DPYSL4: variants seen among roughly 807,000 people sequenced by gnomAD.
DPYSL4 encodes dihydropyrimidinase like 4.
Under a neutral mutation model 63.4 loss-of-function variants are expected in DPYSL4, and 43 were observed. The observed-to-expected ratio is 0.68, with a 90% CI of 0.53 to 0.88. The LOEUF is 0.88. DPYSL4 is among the 40% of genes least tolerant of loss of function. The probability of loss-of-function intolerance (pLI) is 0.00; values close to 1 mark genes in which losing one functional copy is unlikely to be tolerated. For missense variants in DPYSL4, 733 were observed against 819.5 expected, an observed-to-expected ratio of 0.89 and a Z score of 1.29; for synonymous variants, 353 against 331.7, an observed-to-expected ratio of 1.06 and a Z score of -0.70.
At chr10:132,204,057 G>A (rs2062060608) in intron 13 of DPYSL4, 130 bp downstream of exon 13, 1 of 1,236,090 alleles carries the variant, frequency 8.1e-7, no homozygotes, top group Non-Finnish European at 1.1e-6. Context: ...ACTGGGGCAG[G>A]AGATGCTGCT....
At chr10:132,200,332 C>A in intron 8 of DPYSL4, 24 bp from the exon 9 acceptor site, 1 of 1,611,940 alleles carries the variant, frequency 6.2e-7, no homozygotes, top group Non-Finnish European at 8.5e-7. Flanking sequence ...CGGTGGGGCA[C>A]CTCTCATGGG....
chr10:132,194,013 C>T (rs1287023692), intron 3 of DPYSL4, among the ~76,000 whole-genome samples: 1 of 152,276 alleles, frequency 6.6e-6, no homozygotes, highest in Admixed American at 6.5e-5. Flanking sequence ...GACCACCTGC[C>T]TCGTGCCAGT....
intron 1 of DPYSL4, among the ~76,000 whole-genome samples, chr10:132,187,369 G>C (rs192434361): frequency 0.013 from 121 of 9,652 alleles, 2 homozygotes; most frequent in East Asian, 0.073. Flanking sequence ...GGGCCCTGCC[G>C]GGCCCTGCCC....
chr10:132,193,610 G>A (rs2818421), intron 3 of DPYSL4, among the ~76,000 whole-genome samples: 125,072 of 152,286 alleles, frequency 0.82, 51,524 homozygotes, highest in East Asian at 0.96. Context: ...CACAGACATC[G>A]CTGCTGTGGT....
chr10:132,198,267 T>C (rs2061970061), intron 6 of DPYSL4, 148 bp from the exon 7 acceptor site: 1 of 690,906 alleles, frequency 1.4e-6, no homozygotes, highest in African/African-American at 1.8e-5. Flanking sequence ...CTCTGCCCTC[T>C]ATTCTGAGTG....
At chr10:132,200,277 G>A (rs1055733465) in intron 8 of DPYSL4, 79 bp from the exon 9 acceptor site, 1 of 1,548,500 alleles carries the variant, frequency 6.5e-7, no homozygotes, top group Non-Finnish European at 8.8e-7. Flanking sequence ...GCAGTCGTGG[G>A]TGTCAGCAGC....
chr10:132,204,517 G>A (rs2062067861), intron 13 of DPYSL4, among the ~76,000 whole-genome samples: 1 of 152,176 alleles, frequency 6.6e-6, no homozygotes, highest in Non-Finnish European at 1.5e-5. Context: ...GGGAGGCCAG[G>A]GGCAGCCTTT....
At chr10:132,204,588 G>A (rs573934837) in intron 13 of DPYSL4, among the ~76,000 whole-genome samples, 295 of 152,244 alleles carry the variant, frequency 1.9e-3, no homozygotes, top group Non-Finnish European at 3.3e-3. Flanking sequence ...CTCGGGACAG[G>A]AAGGGCTTCC....
chr10:132,200,559 C>A (rs1291562690), intron 9 of DPYSL4, 47 bp downstream of exon 9: 18 of 1,603,088 alleles, frequency 1.1e-5, no homozygotes, highest in Non-Finnish European at 1.5e-5. Flanking sequence ...CCGCTGCACA[C>A]CCTGCCAAGG....
chr10:132,187,847 C>T (rs2061825720), intron 1 of DPYSL4, among the ~76,000 whole-genome samples: 1 of 152,222 alleles, frequency 6.6e-6, no homozygotes. Flanking sequence ...AGCCTCCCCG[C>T]TCGGGCGGGG....
At chr10:132,188,980 C>CTAAAAT (rs1205239849) in intron 1 of DPYSL4, among the ~76,000 whole-genome samples, 1 of 152,236 alleles carries the variant, frequency 6.6e-6, no homozygotes, top group Non-Finnish European at 1.5e-5. Flanking sequence ...AATACAGCCC[C>CTAAAAT]ACAGTTAGAT....
intron 4 of DPYSL4, 39 bp downstream of exon 4, chr10:132,195,048 C>G (rs748840762): frequency 8.9e-6 from 14 of 1,580,770 alleles, no homozygotes; most frequent in Non-Finnish European, 1.2e-5. Flanking sequence ...GGGCATGGAG[C>G]CTGGTGGAGG....
chr10:132,198,226 CAG>C (rs1250299958), intron 6 of DPYSL4, among the ~76,000 whole-genome samples, 187 bp from the exon 7 acceptor site: 5 of 152,126 alleles, frequency 3.3e-5, no homozygotes, highest in African/African-American at 1.2e-4. Context: ...CTTGGTAACT[CAG>C]GGAGCAGGAA....
At chr10:132,204,283 C>T (rs11146248) in intron 13 of DPYSL4, among the ~76,000 whole-genome samples, 4,335 of 152,266 alleles carry the variant, frequency 0.028, 181 homozygotes, top group East Asian at 0.22. Flanking sequence ...GGTCCCCACC[C>T]AGCAGGCCCC....
In DPYSL4 at chr10:132,203,974, G is replaced by A. The variant is rs144636646; in HGVS notation, c.1627+47G>A. 9.9e-5 allele frequency: 154 copies of A among 1,557,838 alleles called. No homozygotes were observed. The African/African-American group carries it at 1.8e-3, about 18-fold the overall frequency. Reference sequence around the variant, plus strand: ...AGTGGGGGTGAGGGGCTCTGCCGGAGCATCCAGGGCCTCAGGTACCAGGGC... The same window carrying A: ...AGTGGGGGTGAGGGGCTCTGCCGGAACATCCAGGGCCTCAGGTACCAGGGC... On this transcript the variant is annotated intron_variant, in intron 13 of 13. Coordinates refer to ENST00000338492, the MANE Select transcript of DPYSL4 (RefSeq NM_006426.3).
In DPYSL4 at chr10:132,202,788, C is replaced by T. The variant is rs1482880561; in HGVS notation, c.1424C>T (p.Pro475Leu). ...CGCTTCGTCCCTCGGAAAACATTCCCGGACTTTGTCTACAAGAGGATCAAA... is the reference window on the plus strand; with the variant it reads ...CGCTTCGTCCCTCGGAAAACATTCCTGGACTTTGTCTACAAGAGGATCAAA... ...AGRFVPRKTF[P>L]DFVYKRIKAR... The change falls in exon 12 of 14, where the codon CCG becomes CTG. Residue 475 changes from proline to leucine, a missense_variant. Transcript: ENST00000338492. The T allele has an allele frequency of 6.2e-6, 10 of 1,609,348 alleles. No individual in the cohort carries two copies. Among genetic ancestry groups the T allele is most frequent in the South Asian group, 1.1e-5 (1 of 90,350 alleles).
intron 4 of DPYSL4, among the ~76,000 whole-genome samples, chr10:132,196,398 A>C (rs2061944659): frequency 6.6e-6 from 1 of 151,808 alleles, no homozygotes; most frequent in Non-Finnish European, 1.5e-5. Flanking sequence ...TGAGCCAGGC[A>C]TGGCAAGTGG....
chr10:132,198,369 G>C, intron 6 of DPYSL4, 46 bp from the exon 7 acceptor site: 1 of 1,566,314 alleles, frequency 6.4e-7, no homozygotes, highest in African/African-American at 1.3e-5. Context: ...CCAAGGCCCA[G>C]GCTCCCTTCA....
At chr10:132,190,573 C>T (rs557976404) in intron 1 of DPYSL4, among the ~76,000 whole-genome samples, 174 bp from the exon 2 acceptor site, 5 of 152,366 alleles carry the variant, frequency 3.3e-5, no homozygotes, top group Middle Eastern at 3.4e-3. Context: ...TGTTTTTGAG[C>T]GCCTGGTGCC....
Sources: gnomAD v4.1 joint callset for allele counts (sites outside exome capture counted in the v4.1 genomes callset) on GRCh38, gnomAD v4.1.1 for gene constraint, MANE v1.5 for transcripts, NCBI Gene and HGNC (gene_info 2026-07-23, HGNC 2026-07-21) for gene names.